Variants in SLC9A9 observed in about 807,000 individuals in gnomAD.
The protein encoded by SLC9A9 is solute carrier family 9 member A9.
A neutral mutation model predicts 77.8 loss-of-function variants in SLC9A9; 62 were observed. That is an observed-to-expected ratio of 0.80 (90% CI 0.65 to 0.98). The LOEUF (loss-of-function observed/expected upper bound fraction) is 0.98, where lower values mean the gene tolerates loss of function less well. SLC9A9 is among the 50% of genes least tolerant of loss of function. The pLI is 0.00. For synonymous variants in SLC9A9, 320 were observed against 283.5 expected (o/e 1.13, Z -1.29); for missense variants, 775 against 774.9 (o/e 1.00, Z 0.00).
At chr3:143,720,290 GCA>G (rs1934464711) in intron 4 of SLC9A9, among the ~76,000 whole-genome samples, 2 of 151,552 alleles carry the variant, frequency 1.3e-5, no homozygotes, top group Non-Finnish European at 2.9e-5. Context: ...GAATTGTGAG[GCA>G]CACATTCCAA....
At chr3:143,838,918 T>C (rs562272210) in intron 1 of SLC9A9, among the ~76,000 whole-genome samples, 4 of 152,370 alleles carry the variant, frequency 2.6e-5, no homozygotes, top group African/African-American at 9.6e-5. Flanking sequence ...TTTAACTTTT[T>C]ATTTGATATT....
At chr3:143,733,555 G>A (rs1429731629) in intron 4 of SLC9A9, among the ~76,000 whole-genome samples, 1 of 152,084 alleles carries the variant, frequency 6.6e-6, no homozygotes, top group Non-Finnish European at 1.5e-5. Context: ...GGCCTACCTT[G>A]GGAGAAGTAG....
At chr3:143,847,049 T>TA (rs1431047969) in intron 1 of SLC9A9, among the ~76,000 whole-genome samples, 1 of 152,188 alleles carries the variant, frequency 6.6e-6, no homozygotes, top group African/African-American at 2.4e-5. Flanking sequence ...GGGATCCACT[T>TA]AAGGCTTAGG....
intron 12 of SLC9A9, among the ~76,000 whole-genome samples, chr3:143,407,856 A>G (rs903152966): frequency 1.3e-5 from 2 of 152,274 alleles, no homozygotes; most frequent in Admixed American, 6.5e-5. Context: ...ACTTTGAATC[A>G]GTAGGTATAT....
chr3:143,381,912 G>T, intron 13 of SLC9A9, 148 bp downstream of exon 13: 3 of 909,146 alleles, frequency 3.3e-6, no homozygotes, highest in Non-Finnish European at 3.6e-6. Context: ...GAATTCCCTT[G>T]TATTTTATTG....
chr3:143,454,290 G>A (rs2035052538), intron 12 of SLC9A9, among the ~76,000 whole-genome samples: 1 of 152,144 alleles, frequency 6.6e-6, no homozygotes, highest in Admixed American at 6.6e-5. Flanking sequence ...CTCTCTAGGT[G>A]TGTAGCTTTG....
chr3:143,556,578 T>G (rs2036987131), intron 8 of SLC9A9, among the ~76,000 whole-genome samples: 2 of 152,226 alleles, frequency 1.3e-5, no homozygotes, highest in African/African-American at 4.8e-5. Flanking sequence ...GGTTGCCTCT[T>G]AGGAGCTTCT....
At chr3:143,501,710 C>T (rs1043753812) in intron 9 of SLC9A9, among the ~76,000 whole-genome samples, 1 of 151,004 alleles carries the variant, frequency 6.6e-6, no homozygotes, top group Non-Finnish European at 1.5e-5. Flanking sequence ...TGCAACAGTA[C>T]TGATTAGCAC....
intron 14 of SLC9A9, among the ~76,000 whole-genome samples, chr3:143,310,110 T>C (rs968203058): frequency 2.0e-5 from 3 of 152,250 alleles, no homozygotes; most frequent in Non-Finnish European, 4.4e-5. Flanking sequence ...GCTCTTAGTT[T>C]AAGCCAGCCT....
chr3:143,455,884 A>G (rs2035082631), intron 12 of SLC9A9, among the ~76,000 whole-genome samples: 1 of 151,240 alleles, frequency 6.6e-6, no homozygotes, highest in Non-Finnish European at 1.5e-5. Context: ...TCTACACTGT[A>G]TGTATCGTCT....
intron 12 of SLC9A9, among the ~76,000 whole-genome samples, chr3:143,427,290 GTCTCAGACTC>G (rs889707430): frequency 6.6e-6 from 1 of 152,162 alleles, no homozygotes; most frequent in African/African-American, 2.4e-5. Context: ...GCCTTATGTG[GTCTCAGACTC>G]TAAATCTAAG....
chr3:143,546,685 G>A (rs1376263542), intron 9 of SLC9A9, among the ~76,000 whole-genome samples: 1 of 152,104 alleles, frequency 6.6e-6, no homozygotes, highest in Non-Finnish European at 1.5e-5. Context: ...GAACCACAAA[G>A]TAAAACATCT....
At chr3:143,302,109 C>T (rs1015754040) in intron 14 of SLC9A9, among the ~76,000 whole-genome samples, 4 of 152,084 alleles carry the variant, frequency 2.6e-5, no homozygotes, top group Non-Finnish European at 5.9e-5. Flanking sequence ...CAGTGTTGTC[C>T]CACCTTTGTC....
chr3:143,446,006 T>C (rs1365953705), intron 12 of SLC9A9, among the ~76,000 whole-genome samples: 1 of 152,138 alleles, frequency 6.6e-6, no homozygotes, highest in Non-Finnish European at 1.5e-5. Flanking sequence ...GTAGACACTA[T>C]GAATTATAGC....
chr3:143,470,450 A>T (rs936398636), intron 11 of SLC9A9, among the ~76,000 whole-genome samples: 1 of 150,562 alleles, frequency 6.6e-6, no homozygotes, highest in Non-Finnish European at 1.5e-5. Flanking sequence ...ATTGTACTCC[A>T]GCCTGGGCAA....
chr3:143,806,977 G>A (rs2008734247), intron 2 of SLC9A9, among the ~76,000 whole-genome samples: 1 of 152,132 alleles, frequency 6.6e-6, no homozygotes, highest in African/African-American at 2.4e-5. Context: ...GTTTTACTCT[G>A]GGCCTGTTTG....
At chr3:143,412,248 G>A (rs1339333412) in intron 12 of SLC9A9, among the ~76,000 whole-genome samples, 1 of 152,018 alleles carries the variant, frequency 6.6e-6, no homozygotes, top group Admixed American at 6.5e-5. Flanking sequence ...TCCCTGACAG[G>A]TCCTCTGGAC....
At chr3:143,621,055 G>A (rs551667634) in intron 6 of SLC9A9, among the ~76,000 whole-genome samples, 59 of 152,320 alleles carry the variant, frequency 3.9e-4, no homozygotes, top group Non-Finnish European at 6.5e-4. Flanking sequence ...CAAGGTGACA[G>A]CGAGGCTGGG....
In SLC9A9 at chr3:143,784,055, A is replaced by G. The variant is rs2108849578; in HGVS notation, c.533+10946T>C. On this transcript the variant is annotated intron_variant, in intron 4 of 15. Transcript: ENST00000316549. ...TAAGAAAAATGCAGCCACGGAAGAG[A>G]TTCCCTCAGCAGAGATGTTGCTGCA... is the stretch of plus-strand genomic sequence containing the variant. Among the ~76,000 whole-genome samples, 5 of 152,340 alleles carry G rather than the reference A, an allele frequency of 3.3e-5. No individual in the cohort carries two copies. The Middle Eastern group carries it at 0.01, about 311-fold the overall frequency.
Sources: allele counts gnomAD v4.1 joint callset (sites outside exome capture counted in the v4.1 genomes callset), GRCh38; gene constraint gnomAD v4.1.1; transcripts MANE v1.5; gene names NCBI Gene and HGNC (gene_info 2026-07-23, HGNC 2026-07-21).